The following KCNQ5 variants were observed in gnomAD, a reference collection of about 807,000 sequenced individuals.
The protein encoded by KCNQ5 is potassium voltage-gated channel subfamily KQT member 5.
A neutral mutation model predicts 98.2 loss-of-function variants in KCNQ5; 30 were observed. The observed-to-expected ratio is 0.31, with a 90% CI of 0.23 to 0.41. The LOEUF is 0.41. Ranked by LOEUF, KCNQ5 falls within the 10% of genes least tolerant of loss-of-function variation. KCNQ5 has a pLI of 1.00. For missense variants in KCNQ5, 835 were observed against 1,182.5 expected (o/e 0.71, Z 4.31); for synonymous variants, 458 against 449.4 (o/e 1.02, Z -0.24).
At chr6:72,917,344 GAC>G (rs1320251535) in intron 1 of KCNQ5, among the ~76,000 whole-genome samples, 4 of 152,106 alleles carry the variant, frequency 2.6e-5, no homozygotes, top group Non-Finnish European at 5.9e-5. Flanking sequence ...AACACTGTAA[GAC>G]ATGAAAAAGC....
intron 1 of KCNQ5, among the ~76,000 whole-genome samples, chr6:72,971,492 C>A (rs141354276): frequency 0.098 from 14,859 of 152,172 alleles, 835 homozygotes; most frequent in East Asian, 0.23. Flanking sequence ...CATCCCATTA[C>A]TGGGTATATA....
At chr6:72,871,323 G>A (rs1369978879) in intron 1 of KCNQ5, among the ~76,000 whole-genome samples, 1 of 152,102 alleles carries the variant, frequency 6.6e-6, no homozygotes. Flanking sequence ...TTTTGATTCT[G>A]CAAAACCTAG....
intron 10 of KCNQ5, among the ~76,000 whole-genome samples, chr6:73,159,089 A>C (rs542804119): frequency 1.1e-4 from 17 of 152,262 alleles, no homozygotes; most frequent in African/African-American, 3.9e-4. Context: ...AAAGACATAG[A>C]CTCAATCTAA....
At chr6:72,950,085 T>G (rs1272348079) in intron 1 of KCNQ5, among the ~76,000 whole-genome samples, 1 of 152,200 alleles carries the variant, frequency 6.6e-6, no homozygotes, top group African/African-American at 2.4e-5. Flanking sequence ...GAAATTTCTC[T>G]TGAATTATTT....
intron 11 of KCNQ5, among the ~76,000 whole-genome samples, chr6:73,171,020 A>C (rs1438574990): frequency 6.6e-6 from 1 of 152,190 alleles, no homozygotes; most frequent in East Asian, 1.9e-4. Flanking sequence ...AGCATGATTG[A>C]TTACTTACTT....
rs188391292 is a variant in KCNQ5 at position 73,089,889 on chromosome 6, C to A, written c.918+12002C>A. 7.6e-4 allele frequency among the ~76,000 whole-genome samples: 116 copies of A among 152,246 alleles called. 1 individual carries two copies. In the South Asian group the frequency reaches 1.0e-2, roughly 13 times the overall value. ...GCTATAAACATGCATGTGCAAGTGTCTTCTTCATATAATGACTTCTTTTCC... is the reference window on the plus strand; with the variant it reads ...GCTATAAACATGCATGTGCAAGTGTATTCTTCATATAATGACTTCTTTTCC... On this transcript the variant is annotated intron_variant, in intron 5 of 13. Coordinates refer to ENST00000370398, the MANE Select transcript of KCNQ5 (RefSeq NM_019842.4).
rs374379065 is a variant in KCNQ5, at chr6:73,141,532, T to C, written c.1468+7891T>C. Among the ~76,000 whole-genome samples, 139 of 152,378 alleles carry C rather than the reference T, an allele frequency of 9.1e-4. 4 individuals are homozygous for C. In the South Asian group the frequency reaches 0.029, roughly 32 times the overall value. On this transcript the variant is annotated intron_variant, in intron 10 of 13. Transcript: ENST00000370398. ...GGATTTCTGTCAGATTTCTCTAGGTTCTGTCCCATGGTTTGTTGTTACTCT... is the reference window on the plus strand; with the variant it reads ...GGATTTCTGTCAGATTTCTCTAGGTCCTGTCCCATGGTTTGTTGTTACTCT...
At chr6:72,698,196 A>G (rs1399130370) in intron 1 of KCNQ5, among the ~76,000 whole-genome samples, 1 of 152,024 alleles carries the variant, frequency 6.6e-6, no homozygotes, top group East Asian at 1.9e-4. Flanking sequence ...AAATGAATGT[A>G]TTTAGACTTT....
At chr6:72,899,979 G>T (rs537833772) in intron 1 of KCNQ5, among the ~76,000 whole-genome samples, 46 of 152,070 alleles carry the variant, frequency 3.0e-4, no homozygotes, top group Admixed American at 2.6e-3. Context: ...CTGAGTATCT[G>T]GGTGTGCACC....
chr6:72,760,149 G>C (rs772824669), intron 1 of KCNQ5, among the ~76,000 whole-genome samples: 25 of 152,218 alleles, frequency 1.6e-4, no homozygotes, highest in Admixed American at 3.3e-4. Flanking sequence ...TTCAAAGCAA[G>C]GGTATGCAAC....
intron 1 of KCNQ5, among the ~76,000 whole-genome samples, chr6:72,758,136 A>T (rs1203055939): frequency 6.6e-6 from 1 of 151,852 alleles, no homozygotes; most frequent in Non-Finnish European, 1.5e-5. Flanking sequence ...TTGGAGGAGG[A>T]CGGCATTGCA....
chr6:73,167,061 A>G (rs532102668), intron 10 of KCNQ5, among the ~76,000 whole-genome samples: 67 of 152,302 alleles, frequency 4.4e-4, no homozygotes, highest in African/African-American at 1.6e-3. Context: ...GCAGGTTACA[A>G]TAAAATCAGA....
At chr6:73,061,186 AAAAT>A (rs1198501415) in intron 3 of KCNQ5, among the ~76,000 whole-genome samples, 1 of 152,220 alleles carries the variant, frequency 6.6e-6, no homozygotes, top group East Asian at 1.9e-4. Context: ...AGAAAGGAGA[AAAAT>A]AAAAGTTGAC....
intron 1 of KCNQ5, among the ~76,000 whole-genome samples, chr6:72,880,837 C>T (rs777865410): frequency 5.9e-5 from 9 of 152,006 alleles, no homozygotes; most frequent in African/African-American, 1.7e-4. Flanking sequence ...TTTTCTCTAC[C>T]GTGCTAAAAC....
In KCNQ5 at chr6:72,815,231, G is replaced by A. The variant is rs372245237; in HGVS notation, c.399-188677G>A. Among the ~76,000 whole-genome samples, 19 of 152,248 alleles carry A rather than the reference G, an allele frequency of 1.2e-4. No homozygotes were observed. In the East Asian group the frequency reaches 1.7e-3, roughly 14 times the overall value. ...TTTATAACCTCAGAACCTAACACAC[G>A]CCTGGCACATAGAAACTGCAAATCA... is the stretch of plus-strand genomic sequence containing the variant. On this transcript the variant is annotated intron_variant, in intron 1 of 13. Coordinates refer to ENST00000370398, the MANE Select transcript of KCNQ5 (RefSeq NM_019842.4).
intron 10 of KCNQ5, among the ~76,000 whole-genome samples, chr6:73,152,686 A>G (rs917154251): frequency 6.6e-6 from 1 of 152,152 alleles, no homozygotes; most frequent in Non-Finnish European, 1.5e-5. Flanking sequence ...GGAGACTAGA[A>G]GGGTGACTGG....
intron 1 of KCNQ5, among the ~76,000 whole-genome samples, chr6:72,779,898 C>T (rs1396166899): frequency 1.3e-5 from 2 of 148,402 alleles, no homozygotes; most frequent in African/African-American, 5.0e-5. Context: ...TGGGGTCTCC[C>T]TCTATTGCCC....
chr6:72,670,790 G>C (rs753738073), intron 1 of KCNQ5, among the ~76,000 whole-genome samples: 10 of 152,048 alleles, frequency 6.6e-5, no homozygotes, highest in Non-Finnish European at 1.3e-4. Flanking sequence ...TAGGATCAGA[G>C]CCCAACTCTT....
At chr6:72,753,521 T>G (rs922230474) in intron 1 of KCNQ5, among the ~76,000 whole-genome samples, 1 of 152,126 alleles carries the variant, frequency 6.6e-6, no homozygotes, top group Non-Finnish European at 1.5e-5. Context: ...CCAAATGTTT[T>G]CCAAAGTTGC....
Sources: gnomAD v4.1 joint callset for allele counts (sites outside exome capture counted in the v4.1 genomes callset) on GRCh38, gnomAD v4.1.1 for gene constraint, MANE v1.5 for transcripts, NCBI Gene and HGNC (gene_info 2026-07-23, HGNC 2026-07-21) for gene names.